ARHGAP10: variants seen among roughly 807,000 people sequenced by gnomAD.
The protein encoded by ARHGAP10 is rho GTPase-activating protein 10.
Under a neutral mutation model 108.6 loss-of-function variants are expected in ARHGAP10, and 87 were observed. That is an observed-to-expected ratio of 0.80 (90% CI 0.67 to 0.96). ARHGAP10 has a LOEUF of 0.96. ARHGAP10 is among the 40% of genes least tolerant of loss of function. The pLI, the probability that ARHGAP10 is intolerant of heterozygous loss-of-function variation, is 0.00. For synonymous variants in ARHGAP10, 347 were observed against 341.1 expected (o/e 1.02, Z -0.19); for missense variants, 939 against 954.5 (o/e 0.98, Z 0.21).
intron 18 of ARHGAP10, among the ~76,000 whole-genome samples, chr4:148,005,278 C>T (rs2149649183): frequency 6.6e-6 from 1 of 152,186 alleles, no homozygotes; most frequent in Non-Finnish European, 1.5e-5. Flanking sequence ...ACTAGGATCC[C>T]TTGTGTATTC....
intron 22 of ARHGAP10, among the ~76,000 whole-genome samples, chr4:148,066,354 G>A (rs1560901414): frequency 6.6e-6 from 1 of 152,202 alleles, no homozygotes; most frequent in South Asian, 2.1e-4. Flanking sequence ...TTAGACCAAT[G>A]AGAATCACAC....
rs550420225 is a variant in ARHGAP10, at chr4:147,864,995, A to G, written c.597+39A>G. The G allele has an allele frequency of 2.3e-5, 35 of 1,522,458 alleles. No individual in the cohort carries two copies. The East Asian group carries it at 2.7e-4, about 12-fold the overall frequency. The allele number at this position is 1,522,458 out of a possible 1,614,324, so 94.3% of individuals were successfully genotyped here. A position where few individuals can be genotyped will look rare whatever the true frequency, so the allele number is the denominator to read the frequency against. On this transcript the variant is annotated intron_variant, in intron 6 of 22. Coordinates refer to ENST00000336498, the MANE Select transcript of ARHGAP10 (RefSeq NM_024605.4). ...AGTTGTTTGCTGGTGGATTTTTGCA[A>G]TGTAAGATAAGTATTTATTTTCCTA...
At chr4:148,010,821 A>C in intron 18 of ARHGAP10, among the ~76,000 whole-genome samples, 1 of 152,170 alleles carries the variant, frequency 6.6e-6, no homozygotes, top group Non-Finnish European at 1.5e-5. Flanking sequence ...TGTGTGTGTA[A>C]ATGTTTGAGA....
chr4:147,958,649 T>TA (rs1262355924), intron 16 of ARHGAP10, among the ~76,000 whole-genome samples: 2 of 152,190 alleles, frequency 1.3e-5, no homozygotes, highest in Non-Finnish European at 2.9e-5. Flanking sequence ...TCACGGTAGA[T>TA]ACGAATGCCA....
intron 18 of ARHGAP10, among the ~76,000 whole-genome samples, chr4:147,976,257 A>T (rs1367841351): frequency 6.6e-6 from 1 of 152,190 alleles, no homozygotes; most frequent in Non-Finnish European, 1.5e-5. Context: ...CTAGCCAAAA[A>T]TGCTTCTTGA....
At chr4:147,999,990 A>C (rs561635526) in intron 18 of ARHGAP10, among the ~76,000 whole-genome samples, 196 of 151,716 alleles carry the variant, frequency 1.3e-3, no homozygotes, top group Non-Finnish European at 2.5e-3. Flanking sequence ...GGTTTGTTAC[A>C]TATGTATACA....
intron 1 of ARHGAP10, among the ~76,000 whole-genome samples, chr4:147,795,094 T>C (rs1489410935): frequency 6.6e-6 from 1 of 152,188 alleles, no homozygotes; most frequent in Non-Finnish European, 1.5e-5. Context: ...TGTAGTTTTT[T>C]TCCTTAGAGA....
chr4:147,952,492 C>T (rs555331280), intron 15 of ARHGAP10, among the ~76,000 whole-genome samples: 3 of 152,218 alleles, frequency 2.0e-5, no homozygotes, highest in South Asian at 2.1e-4. Context: ...TTTTAGTTTG[C>T]ACTTCTCTAA....
chr4:147,867,829 A>G (rs1734629139), intron 7 of ARHGAP10, among the ~76,000 whole-genome samples: 1 of 134,392 alleles, frequency 7.4e-6, no homozygotes, highest in Non-Finnish European at 1.5e-5. Context: ...GTGCCACTGC[A>G]CTCCAGCCTG....
At chr4:147,786,820 C>T (rs1165874213) in intron 1 of ARHGAP10, among the ~76,000 whole-genome samples, 1 of 152,150 alleles carries the variant, frequency 6.6e-6, no homozygotes, top group South Asian at 2.1e-4. Context: ...CTGTATTCAG[C>T]CTGTGCTGTC....
At chr4:147,965,273 G>A in intron 17 of ARHGAP10, 144 bp downstream of exon 17, 2 of 552,236 alleles carry the variant, frequency 3.6e-6, no homozygotes, top group South Asian at 3.4e-5. Context: ...TTTTGGATAA[G>A]ACTGTTGAAA....
At chr4:147,878,776 T>G (rs1735195246) in intron 8 of ARHGAP10, among the ~76,000 whole-genome samples, 1 of 140,088 alleles carries the variant, frequency 7.1e-6, no homozygotes, top group Non-Finnish European at 1.5e-5. Context: ...TTCTTCCTCT[T>G]TTTTTTTTTT....
Position 147,737,134 on chromosome 4 carries a change from T to C in ARHGAP10, c.154+4679T>C, listed in dbSNP as rs1020103108. ...CTACTTAATGCCCTAGGTTTTTTAT[T>C]TATTATTATTTTTAGATTTTTAAAA... On this transcript the variant is annotated intron_variant, in intron 1 of 22. Coordinates refer to ENST00000336498, the MANE Select transcript of ARHGAP10 (RefSeq NM_024605.4). 3.3e-5 allele frequency among the ~76,000 whole-genome samples: 5 copies of C among 152,132 alleles called. No homozygotes were observed. The South Asian group carries it at 1.0e-3, about 32-fold the overall frequency.
rs529467935 is a variant in ARHGAP10 at position 148,010,030 on chromosome 4, C to T, written c.1717-13233C>T. ...ATTAAATTTCCTATAGTTAACTAAT[C>T]AAAACTTAATAGATGTCTGTGTTTT... On this transcript the variant is annotated intron_variant, in intron 18 of 22. Transcript: ENST00000336498. 2.0e-5 allele frequency among the ~76,000 whole-genome samples: 3 copies of T among 152,244 alleles called. No individual in the cohort carries two copies. In the South Asian group the frequency reaches 6.2e-4, roughly 32 times the overall value.
intron 18 of ARHGAP10, among the ~76,000 whole-genome samples, chr4:147,969,953 T>A (rs1406111683): frequency 1.3e-5 from 2 of 151,984 alleles, no homozygotes; most frequent in African/African-American, 4.8e-5. Flanking sequence ...ACTGTGTGCT[T>A]GGGTTTAGGG....
intron 18 of ARHGAP10, among the ~76,000 whole-genome samples, chr4:148,014,081 G>A (rs1741262111): frequency 1.3e-5 from 2 of 152,170 alleles, no homozygotes; most frequent in Admixed American, 1.3e-4. Flanking sequence ...CAAAGAAGGA[G>A]GAAGAAGAGG....
chr4:147,950,754 AATG>A (rs149893610), intron 15 of ARHGAP10, among the ~76,000 whole-genome samples: 421 of 152,170 alleles, frequency 2.8e-3, no homozygotes, highest in African/African-American at 9.4e-3. Context: ...CAGCCCTCTG[AATG>A]ATTTCTTATC....
At chr4:147,736,973 A>C (rs922310661) in intron 1 of ARHGAP10, among the ~76,000 whole-genome samples, 1 of 152,062 alleles carries the variant, frequency 6.6e-6, no homozygotes, top group Non-Finnish European at 1.5e-5. Context: ...GCTACCCACT[A>C]TCTTGGGCCT....
chr4:147,781,574 A>G (rs986637095), intron 1 of ARHGAP10, among the ~76,000 whole-genome samples: 26 of 152,090 alleles, frequency 1.7e-4, no homozygotes, highest in African/African-American at 6.0e-4. Context: ...AGTAGTCCTT[A>G]TTATGACTAT....
Sources: allele counts gnomAD v4.1 joint callset (sites outside exome capture counted in the v4.1 genomes callset), GRCh38; gene constraint gnomAD v4.1.1; transcripts MANE v1.5; gene names NCBI Gene and HGNC (gene_info 2026-07-23, HGNC 2026-07-21).